MED13: variants seen among roughly 807,000 people sequenced by gnomAD.
MED13 encodes the protein mediator of RNA polymerase II transcription subunit 13.
A neutral mutation model predicts 225.2 loss-of-function variants in MED13; 23 were observed. The observed-to-expected ratio is 0.10, with a 90% CI of 0.07 to 0.14. The LOEUF (loss-of-function observed/expected upper bound fraction) is 0.14, where lower values mean the gene tolerates loss of function less well. Ranked by LOEUF, MED13 falls within the 10% of genes least tolerant of loss-of-function variation. The pLI is 1.00. For synonymous variants in MED13, 942 were observed against 889.2 expected (o/e 1.06, Z -1.06); for missense variants, 2,197 against 2,594.5 (o/e 0.85, Z 3.33).
chr17:61,986,946 TAAA>T (rs965464555), intron 12 of MED13, 58 bp downstream of exon 12: 1 of 1,204,070 alleles, frequency 8.3e-7, no homozygotes, highest in African/African-American at 1.6e-5. Context: ...TTCTAAAAAA[TAAA>T]AAAATAATAA....
intron 3 of MED13, among the ~76,000 whole-genome samples, chr17:62,048,053 T>TAC (rs2080916552): frequency 7.0e-6 from 1 of 142,028 alleles, no homozygotes; most frequent in Admixed American, 7.1e-5. Context: ...CATATATATA[T>TAC]ATATATATAT....
rs1433629685 is a variant in MED13, at chr17:62,065,246, T to C, written c.-41A>G. On this transcript the variant is annotated 5_prime_UTR_variant, in exon 1 of 30. An upstream start codon of the reference 5' UTR is lost. Transcript: ENST00000397786. ...CCGCCGCCGGCGCCACAACCCACCATCCGCCATTACCGCCGCCTCCGACCA... is the reference window on the plus strand; with the variant it reads ...CCGCCGCCGGCGCCACAACCCACCACCCGCCATTACCGCCGCCTCCGACCA... 2 of 1,244,490 alleles carry C rather than the reference T, an allele frequency of 1.6e-6. No individual in the cohort carries two copies. Among genetic ancestry groups the C allele is most frequent in the Middle Eastern group, 4.5e-4 (2 of 4,448 alleles). 77.1% of individuals were successfully genotyped at this position (1,244,490 alleles called of 1,614,324 possible).
chr17:61,979,720 C>T (rs1026322651), intron 16 of MED13, among the ~76,000 whole-genome samples: 11 of 152,134 alleles, frequency 7.2e-5, no homozygotes, highest in Non-Finnish European at 1.2e-4. Flanking sequence ...CAAAAGTCCC[C>T]AGAAAATTGT....
At chr17:61,946,737 C>T in intron 29 of MED13, 137 bp from the exon 30 acceptor site, 1 of 1,179,508 alleles carries the variant, frequency 8.5e-7, no homozygotes, top group South Asian at 1.4e-5. Context: ...GGGAAAGAAG[C>T]AATTTCCATA....
intron 2 of MED13, among the ~76,000 whole-genome samples, chr17:62,062,600 CCACACACACACACACA>C (rs58730188): frequency 7.3e-6 from 1 of 136,200 alleles, no homozygotes; most frequent in Non-Finnish European, 1.5e-5. Flanking sequence ...CACACACACA[CCACACACACACACACA>C]CACACACACA....
intron 16 of MED13, among the ~76,000 whole-genome samples, chr17:61,981,532 T>TA (rs2080204582): frequency 6.6e-6 from 1 of 152,170 alleles, no homozygotes; most frequent in Non-Finnish European, 1.5e-5. Flanking sequence ...TCAGTCACCT[T>TA]AATGTTCCTC....
At chr17:61,987,652 A>G (rs2080259805) in intron 11 of MED13, among the ~76,000 whole-genome samples, 1 of 152,226 alleles carries the variant, frequency 6.6e-6, no homozygotes, top group African/African-American at 2.4e-5. Context: ...CAGGTAATCC[A>G]TAAAATAGCT....
chr17:61,964,861 G>A (rs558670589), intron 20 of MED13, 145 bp downstream of exon 20: 16 of 725,872 alleles, frequency 2.2e-5, no homozygotes, highest in Admixed American at 1.8e-4. Context: ...ACTTGAACTC[G>A]GGAGGCAGAG....
intron 16 of MED13, among the ~76,000 whole-genome samples, chr17:61,976,626 T>C (rs1461801987): frequency 6.6e-6 from 1 of 152,180 alleles, no homozygotes; most frequent in Non-Finnish European, 1.5e-5. Flanking sequence ...AAAATTAATG[T>C]TGTCATTAAA....
At chr17:61,988,692 A>AG (rs1170549652) in intron 11 of MED13, among the ~76,000 whole-genome samples, 1 of 152,046 alleles carries the variant, frequency 6.6e-6, no homozygotes. Flanking sequence ...ATCCTAGCAT[A>AG]GGTAAGTAGC....
intron 3 of MED13, among the ~76,000 whole-genome samples, chr17:62,040,669 G>A (rs575834665): frequency 3.3e-5 from 5 of 152,242 alleles, no homozygotes; most frequent in Non-Finnish European, 7.4e-5. Context: ...CTAGTAAAGA[G>A]AATGCTGACT....
intron 3 of MED13, among the ~76,000 whole-genome samples, chr17:62,048,051 T>TATATAC (rs1568001008): frequency 1.4e-5 from 2 of 144,814 alleles, no homozygotes; most frequent in East Asian, 2.0e-4. Flanking sequence ...TACATATATA[T>TATATAC]ATATATATAT....
At chr17:62,007,874 CAG>C (rs1036361900) in intron 9 of MED13, among the ~76,000 whole-genome samples, 1 of 151,700 alleles carries the variant, frequency 6.6e-6, no homozygotes, top group Non-Finnish European at 1.5e-5. Flanking sequence ...AAAAAATTAG[CAG>C]AGTGTGCTGG....
At chr17:61,957,264 C>T (rs1225289643) in intron 23 of MED13, among the ~76,000 whole-genome samples, 1 of 152,052 alleles carries the variant, frequency 6.6e-6, no homozygotes, top group Non-Finnish European at 1.5e-5. Context: ...CCAGGCTGGT[C>T]TCAACTCCCG....
At position 61,995,371 on chromosome 17, in the gene MED13, T is replaced by TA. The variant is rs565574776; in HGVS notation, c.1968-7dup. 1,543 of 1,553,068 alleles carry TA rather than the reference T, an allele frequency of 9.9e-4. 35 individuals are homozygous for TA. In the South Asian group the frequency reaches 0.018, roughly 18 times the overall value. On this transcript the variant is annotated splice_polypyrimidine_tract_variant and splice_region_variant and intron_variant, in intron 9 of 29. Coordinates refer to ENST00000397786, the MANE Select transcript of MED13 (RefSeq NM_005121.3). Reference sequence around the variant, plus strand: ...TCTTACATTGCACCATTAACCTGCATAAAAAAATTAAAAAAAATTAATTAT... The same window carrying TA: ...TCTTACATTGCACCATTAACCTGCATAAAAAAAATTAAAAAAAATTAATTAT...
intron 2 of MED13, among the ~76,000 whole-genome samples, chr17:62,062,614 A>C (rs1366302124): frequency 1.3e-5 from 2 of 151,022 alleles, no homozygotes; most frequent in Admixed American, 1.3e-4. Context: ...ACACACACAC[A>C]CACACACACA....
intron 27 of MED13, among the ~76,000 whole-genome samples, chr17:61,952,199 A>G (rs1303451858): frequency 3.3e-5 from 5 of 152,112 alleles, no homozygotes; most frequent in African/African-American, 1.2e-4. Context: ...AGCCCAGTAT[A>G]TATAATTTCA....
rs2080074440 is a variant in MED13 at position 61,968,045 on chromosome 17, G to A, written c.4181C>T (p.Ala1394Val). 4 of 1,607,654 alleles carry A rather than the reference G, an allele frequency of 2.5e-6. No individual in the cohort carries two copies. The highest frequency in any genetic ancestry group is 3.4e-6 in the Non-Finnish European group (4 of 1,174,570). Residue 1394 changes from alanine to valine, a missense_variant, in exon 18 of 30, where the codon GCA (alanine) becomes GTA (valine). This residue lies in a region of MED13 where 457 missense variants were observed against 442.2 expected (regional missense o/e 1.03). Coordinates refer to ENST00000397786, the MANE Select transcript of MED13 (RefSeq NM_005121.3). The part of the protein sequence containing the change: ...GAKSFFRDLT[A>V]IYESCRLGQH... ...TTTTTAAACACCTACCTCATATATT[G>A]CAGTAAGATCTCTAAAAAAGCTTTT...
chr17:62,049,738 T>G (rs1234682609), intron 3 of MED13, among the ~76,000 whole-genome samples: 1 of 151,386 alleles, frequency 6.6e-6, no homozygotes, highest in Non-Finnish European at 1.5e-5. Context: ...GAGACCATCC[T>G]GGCTACATGG....
Sources: allele counts gnomAD v4.1 joint callset (sites outside exome capture counted in the v4.1 genomes callset), GRCh38; gene constraint gnomAD v4.1.1; regional missense constraint gnomAD v4.1.1; transcripts MANE v1.5; gene names NCBI Gene and HGNC (gene_info 2026-07-23, HGNC 2026-07-21).